Variants in IL1RAPL2 observed in about 807,000 individuals in gnomAD.
IL1RAPL2 encodes interleukin 1 receptor accessory protein like 2, also known as X-linked interleukin-1 receptor accessory protein-like 2.
IL1RAPL2 carries 3 observed loss-of-function variants against 44.1 expected under a neutral mutation model. The ratio of observed to expected loss-of-function variants is 0.07; its 90% CI spans 0.03 to 0.18. The LOEUF is 0.18. Among genes scored for constraint, IL1RAPL2 ranks in the 10% least tolerant of loss-of-function variants. The pLI is 1.00. For missense variants in IL1RAPL2, 391 were observed against 496.4 expected, an observed-to-expected ratio of 0.79 and a Z score of 2.02; for synonymous variants, 181 against 178.8, an observed-to-expected ratio of 1.01 and a Z score of -0.10.
intron 6 of IL1RAPL2, among the ~76,000 whole-genome samples, chrX:105,678,114 A>C (rs2037888942): frequency 8.9e-6 from 1 of 112,188 alleles, no homozygotes. Flanking sequence ...GTGAATAATA[A>C]AAAAAGAGAG....
At chrX:105,728,485 A>AAAAC (rs2147563052) in intron 7 of IL1RAPL2, among the ~76,000 whole-genome samples, 1 of 112,160 alleles carries the variant, frequency 8.9e-6, no homozygotes, top group South Asian at 3.6e-4. Context: ...TAGTTCCAGT[A>AAAAC]AAACACCTTT....
At chrX:104,972,038 T>A (rs963445309) in intron 2 of IL1RAPL2, among the ~76,000 whole-genome samples, 1 of 111,281 alleles carries the variant, frequency 9.0e-6, no homozygotes, top group African/African-American at 3.3e-5. Context: ...CCTTACAGAG[T>A]ATGATGTCTA....
intron 1 of IL1RAPL2, among the ~76,000 whole-genome samples, chrX:104,597,146 C>G (rs763350577): frequency 9.1e-6 from 1 of 110,208 alleles, no homozygotes; most frequent in Non-Finnish European, 1.9e-5. Flanking sequence ...GAGTTCAAGA[C>G]CAGCCTGGGC....
intron 5 of IL1RAPL2, among the ~76,000 whole-genome samples, chrX:105,447,107 A>ATATATATATATAT (rs1491220948): frequency 6.1e-5 from 2 of 32,724 alleles, no homozygotes; most frequent in Non-Finnish European, 9.1e-5. Flanking sequence ...ATATATATAT[A>ATATATATATATAT]AAAATATATA....
chrX:105,580,180 CCAAATCGCA>C (rs1459001097), intron 6 of IL1RAPL2, among the ~76,000 whole-genome samples: 2 of 111,073 alleles, frequency 1.8e-5, no homozygotes, highest in Non-Finnish European at 3.8e-5. Context: ...CTTTCCTGCC[CCAAATCGCA>C]CATTTGCATC....
chrX:105,061,595 G>T (rs967173975), intron 2 of IL1RAPL2, among the ~76,000 whole-genome samples: 7 of 111,813 alleles, frequency 6.3e-5, no homozygotes, highest in African/African-American at 1.9e-4. Context: ...TCTTTAGACA[G>T]ATCTTCCAGA....
chrX:104,914,514 A>G (rs1472315793), intron 2 of IL1RAPL2, among the ~76,000 whole-genome samples: 1 of 112,042 alleles, frequency 8.9e-6, no homozygotes, highest in Non-Finnish European at 1.9e-5. Context: ...ATATTCTTCT[A>G]TTGTTAATTG....
At chrX:105,420,294 C>T (rs1475492983) in intron 5 of IL1RAPL2, among the ~76,000 whole-genome samples, 1 of 112,213 alleles carries the variant, frequency 8.9e-6, no homozygotes, top group Non-Finnish European at 1.9e-5. Context: ...TTATTCAGAA[C>T]TACTGATCTA....
chrX:105,199,821 A>T (rs2147614375), intron 3 of IL1RAPL2, among the ~76,000 whole-genome samples: 1 of 112,440 alleles, frequency 8.9e-6, no homozygotes, highest in African/African-American at 3.2e-5. Context: ...ACTGTTGAAT[A>T]TTACCTCTCA....
At chrX:105,569,963 G>A (rs1354323763) in intron 6 of IL1RAPL2, among the ~76,000 whole-genome samples, 2 of 111,146 alleles carry the variant, frequency 1.8e-5, no homozygotes, top group African/African-American at 6.5e-5. Context: ...GGCCTATTCT[G>A]TTTCTTTTTT....
intron 1 of IL1RAPL2, among the ~76,000 whole-genome samples, chrX:104,572,068 T>C (rs1928158599): frequency 8.9e-6 from 1 of 112,182 alleles, no homozygotes; most frequent in Non-Finnish European, 1.9e-5. Flanking sequence ...ATTTTTAACA[T>C]TTATGTTGTG....
At chrX:104,825,381 A>G (rs564314832) in intron 2 of IL1RAPL2, among the ~76,000 whole-genome samples, 7 of 112,349 alleles carry the variant, frequency 6.2e-5, no homozygotes, top group African/African-American at 2.3e-4. Flanking sequence ...TTTGGATTCC[A>G]GTAGTTGAGG....
At chrX:104,743,350 T>C (rs764413145) in intron 2 of IL1RAPL2, among the ~76,000 whole-genome samples, 1 of 107,939 alleles carries the variant, frequency 9.3e-6, no homozygotes, top group South Asian at 4.1e-4. Flanking sequence ...ATTATCCCTC[T>C]ACAAAGGTAA....
intron 2 of IL1RAPL2, among the ~76,000 whole-genome samples, chrX:104,985,094 A>C (rs750338984): frequency 7.7e-5 from 8 of 103,340 alleles, no homozygotes; most frequent in Non-Finnish European, 1.2e-4. Flanking sequence ...ATTTTTCTTT[A>C]TTTTTTTTTT....
At chrX:104,706,865 C>G (rs1931370855) in intron 2 of IL1RAPL2, among the ~76,000 whole-genome samples, 2 of 111,454 alleles carry the variant, frequency 1.8e-5, no homozygotes, top group African/African-American at 6.5e-5. Context: ...GTACACCTGC[C>G]TTTGCTTGTA....
intron 6 of IL1RAPL2, among the ~76,000 whole-genome samples, chrX:105,599,288 C>T (rs2037233880): frequency 8.9e-6 from 1 of 111,908 alleles, no homozygotes; most frequent in Admixed American, 9.4e-5. Flanking sequence ...ATATATGAAG[C>T]ATATTATCAT....
intron 2 of IL1RAPL2, among the ~76,000 whole-genome samples, chrX:105,085,631 A>C (rs1197609229): frequency 9.0e-6 from 1 of 111,725 alleles, no homozygotes; most frequent in Non-Finnish European, 1.9e-5. Flanking sequence ...AAAAAACTAA[A>C]ACTAGAACTT....
At chrX:105,174,638 T>A (rs1452069086) in intron 2 of IL1RAPL2, among the ~76,000 whole-genome samples, 2 of 111,765 alleles carry the variant, frequency 1.8e-5, no homozygotes, top group African/African-American at 6.5e-5. Context: ...ATTAAAAAAA[T>A]TTTTGAGGAA....
At chrX:104,709,843 T>G (rs1931425365) in intron 2 of IL1RAPL2, among the ~76,000 whole-genome samples, 2 of 110,690 alleles carry the variant, frequency 1.8e-5, no homozygotes, top group African/African-American at 6.6e-5. Flanking sequence ...ACAGCAATGG[T>G]CATTGTTTCA....
Sources: allele counts gnomAD v4.1 joint callset (sites outside exome capture counted in the v4.1 genomes callset), GRCh38; gene constraint gnomAD v4.1.1; transcripts MANE v1.5; gene names NCBI Gene and HGNC (gene_info 2026-07-23, HGNC 2026-07-21).